PLCH1: variants seen among roughly 807,000 people sequenced by gnomAD.
The protein encoded by PLCH1 is 1-phosphatidylinositol 4,5-bisphosphate phosphodiesterase eta-1.
PLCH1 carries 60 observed loss-of-function variants against 126.7 expected under a neutral mutation model. The observed-to-expected ratio is 0.47, with a 90% CI of 0.38 to 0.59. The LOEUF is 0.59. Among genes scored for constraint, PLCH1 ranks in the 20% least tolerant of loss-of-function variants. The probability of loss-of-function intolerance (pLI) is 0.00; values close to 1 mark genes in which losing one functional copy is unlikely to be tolerated. For missense variants in PLCH1, 1,723 were observed against 2,040.0 expected (o/e 0.84, Z 2.99); for synonymous variants, 719 against 734.9 (o/e 0.98, Z 0.35).
rs755984531 is a variant in PLCH1, at chr3:155,482,437, C to T, written c.3589G>A (p.Glu1197Lys). 3.1e-6 allele frequency: 5 copies of T among 1,614,166 alleles called. No individual in the cohort carries two copies. Among genetic ancestry groups the T allele is most frequent in the Non-Finnish European group, 3.4e-6 (4 of 1,180,016 alleles). ...SISALIGQFD[E>K]TNNQALTVVS... ...ACTGTGAGAGCCTGATTGTTGGTCT[C>T]ATCAAACTGGCCAATCAGGGCTGAG... Residue 1197 changes from glutamate to lysine, a missense_variant, in exon 23 of 23, where the codon GAG becomes AAG. This residue lies in a region of PLCH1 where 947 missense variants were observed against 977.1 expected (regional missense o/e 0.97). Coordinates refer to ENST00000460012, the MANE Select transcript of PLCH1 (RefSeq NM_014996.4).
intron 21 of PLCH1, among the ~76,000 whole-genome samples, chr3:155,471,990 T>G (rs1039502730): frequency 2.6e-5 from 4 of 151,858 alleles, no homozygotes; most frequent in African/African-American, 9.7e-5. Context: ...GATCCAAAAT[T>G]GACACCCCAA....
chr3:155,699,433 G>C (rs1577338321), intron 2 of PLCH1, among the ~76,000 whole-genome samples: 1 of 152,044 alleles, frequency 6.6e-6, no homozygotes, highest in South Asian at 2.1e-4. Context: ...GCAATAATAG[G>C]AATTCTATGT....
chr3:155,640,871 A>G (rs935033040), intron 2 of PLCH1, among the ~76,000 whole-genome samples: 1 of 152,210 alleles, frequency 6.6e-6, no homozygotes, highest in African/African-American at 2.4e-5. Context: ...ATGGTATCCA[A>G]CATTTCTTCC....
intron 2 of PLCH1, among the ~76,000 whole-genome samples, chr3:155,644,423 C>T (rs1441316487): frequency 2.0e-5 from 3 of 151,908 alleles, no homozygotes; most frequent in Non-Finnish European, 1.5e-5. Flanking sequence ...GCCTACATGG[C>T]GAAACCCCCT....
At chr3:155,612,353 A>G (rs894476002) in intron 2 of PLCH1, among the ~76,000 whole-genome samples, 2 of 151,324 alleles carry the variant, frequency 1.3e-5, no homozygotes, top group African/African-American at 4.8e-5. Flanking sequence ...AAAGAAGAGG[A>G]AACTTCATAG....
intron 6 of PLCH1, among the ~76,000 whole-genome samples, chr3:155,571,563 G>A (rs1729233799): frequency 6.6e-6 from 1 of 152,124 alleles, no homozygotes; most frequent in Non-Finnish European, 1.5e-5. Flanking sequence ...ACCATGCCCT[G>A]CTCATTTTGT....
At chr3:155,602,090 C>A (rs4680193) in intron 2 of PLCH1, among the ~76,000 whole-genome samples, 6 of 152,014 alleles carry the variant, frequency 3.9e-5, no homozygotes, top group East Asian at 1.9e-4. Flanking sequence ...AAAAATTACC[C>A]TGAATAGGAG....
chr3:155,578,423 G>C (rs968262700), intron 6 of PLCH1, among the ~76,000 whole-genome samples: 1 of 152,156 alleles, frequency 6.6e-6, no homozygotes, highest in Non-Finnish European at 1.5e-5. Flanking sequence ...ATGATACTAA[G>C]GTAAAGTAAA....
intron 2 of PLCH1, among the ~76,000 whole-genome samples, chr3:155,678,069 A>G (rs1744229505): frequency 6.6e-6 from 1 of 152,182 alleles, no homozygotes; most frequent in Non-Finnish European, 1.5e-5. Context: ...CCAGCTCCCA[A>G]GAAGTTTTGG....
At chr3:155,589,901 A>G (rs1305584933) in intron 4 of PLCH1, among the ~76,000 whole-genome samples, 1 of 152,196 alleles carries the variant, frequency 6.6e-6, no homozygotes, top group Non-Finnish European at 1.5e-5. Context: ...CACTGTCATT[A>G]TCATCATCAC....
intron 2 of PLCH1, among the ~76,000 whole-genome samples, chr3:155,703,253 G>A (rs1360768329): frequency 6.6e-6 from 1 of 152,136 alleles, no homozygotes; most frequent in Non-Finnish European, 1.5e-5. Context: ...TCAAATTGGG[G>A]AAGACTTCAG....
At chr3:155,537,217 A>C (rs1723532499) in intron 10 of PLCH1, among the ~76,000 whole-genome samples, 57 of 9,722 alleles carry the variant, frequency 5.9e-3, no homozygotes, top group East Asian at 0.01. Context: ...AAAAAAAAAA[A>C]AAAAAAAAAA....
At chr3:155,719,596 G>A (rs1747792095) in intron 1 of PLCH1, among the ~76,000 whole-genome samples, 1 of 151,954 alleles carries the variant, frequency 6.6e-6, no homozygotes, top group East Asian at 1.9e-4. Context: ...TGCTTGTGGA[G>A]TGAATTAGGG....
chr3:155,479,658 A>T (rs757321299), downstream of PLCH1, among the ~76,000 whole-genome samples: 1 of 152,094 alleles, frequency 6.6e-6, no homozygotes, highest in Non-Finnish European at 1.5e-5. Context: ...TAGCAATGCC[A>T]AATGCAAGGA....
chr3:155,523,690 T>G (rs1449528327), intron 11 of PLCH1, among the ~76,000 whole-genome samples: 1 of 152,218 alleles, frequency 6.6e-6, no homozygotes, highest in Non-Finnish European at 1.5e-5. Flanking sequence ...TAAAATTCCT[T>G]CCAACACTCA....
At chr3:155,642,679 A>G (rs950456015) in intron 2 of PLCH1, among the ~76,000 whole-genome samples, 3 of 152,246 alleles carry the variant, frequency 2.0e-5, no homozygotes, top group African/African-American at 7.2e-5. Flanking sequence ...GACTTTGCCA[A>G]CAAAGCTCAT....
chr3:155,727,553 A>C (rs909917818), intron 1 of PLCH1, among the ~76,000 whole-genome samples: 3 of 151,912 alleles, frequency 2.0e-5, no homozygotes, highest in African/African-American at 7.3e-5. Flanking sequence ...ACGCCCAGCT[A>C]ATTTTTGTAT....
At chr3:155,606,728 C>G (rs1168919340) in intron 2 of PLCH1, among the ~76,000 whole-genome samples, 1 of 152,220 alleles carries the variant, frequency 6.6e-6, no homozygotes, top group African/African-American at 2.4e-5. Flanking sequence ...ATAGAGTCAG[C>G]TGATTGCCAT....
intron 5 of PLCH1, among the ~76,000 whole-genome samples, chr3:155,585,054 T>C (rs1456210598): frequency 6.6e-6 from 1 of 152,140 alleles, no homozygotes; most frequent in African/African-American, 2.4e-5. Context: ...ATCTCTCAGG[T>C]TCCCTATACA....
Sources: allele counts gnomAD v4.1 joint callset (sites outside exome capture counted in the v4.1 genomes callset), GRCh38; gene constraint gnomAD v4.1.1; regional missense constraint gnomAD v4.1.1; transcripts MANE v1.5; gene names NCBI Gene and HGNC (gene_info 2026-07-23, HGNC 2026-07-21).